Variants in NRXN1 observed in about 807,000 individuals in gnomAD.
NRXN1 encodes neurexin-1.
In NRXN1, 39 loss-of-function variants were observed where a neutral mutation model predicts 150.9. The ratio of observed to expected loss-of-function variants is 0.26; its 90% CI spans 0.20 to 0.34. The LOEUF is 0.34. Among genes scored for constraint, NRXN1 ranks in the 10% least tolerant of loss-of-function variants. The pLI is 1.00. For missense variants in NRXN1, 1,815 were observed against 1,949.9 expected (o/e 0.93, Z 1.30); for synonymous variants, 924 against 757.0 (o/e 1.22, Z -3.62).
At chr2:50,114,239 C>A (rs754545659) in intron 18 of NRXN1, among the ~76,000 whole-genome samples, 1 of 151,976 alleles carries the variant, frequency 6.6e-6, no homozygotes, top group Non-Finnish European at 1.5e-5. Context: ...ATACAAATGG[C>A]AAATACATAC....
intron 5 of NRXN1, among the ~76,000 whole-genome samples, chr2:50,729,726 C>T (rs1697850525): frequency 6.6e-6 from 1 of 152,162 alleles, no homozygotes; most frequent in African/African-American, 2.4e-5. Context: ...GGTAGAGTTG[C>T]TATCTGACAC....
chr2:49,974,854 C>A (rs553917778), intron 21 of NRXN1, among the ~76,000 whole-genome samples: 3 of 150,420 alleles, frequency 2.0e-5, no homozygotes, highest in Non-Finnish European at 4.4e-5. Flanking sequence ...AAAACAAGCA[C>A]CAAAAGATGC....
rs142418956 is a variant in NRXN1 at position 51,003,752 on chromosome 2, G to C, written c.772+23750C>G. On this transcript the variant is annotated intron_variant, in intron 2 of 22. Coordinates refer to ENST00000401669, the MANE Select transcript of NRXN1 (RefSeq NM_001330078.2). ...AGGAAGGACAAAGAAGGAAGCAAAG[G>C]AGAGGGGGAGGAAGGAAAAGTTGAC... Among the ~76,000 whole-genome samples, 767 of 152,038 alleles carry C rather than the reference G, an allele frequency of 5.0e-3. 5 individuals carry two copies. Among genetic ancestry groups the C allele is most frequent in the African/African-American group, 0.018 (751 of 41,524 alleles).
At chr2:50,220,553 G>C (rs915713263) in intron 18 of NRXN1, among the ~76,000 whole-genome samples, 2 of 151,848 alleles carry the variant, frequency 1.3e-5, no homozygotes, top group African/African-American at 4.8e-5. Flanking sequence ...CACCACACAA[G>C]GCAGAACCGA....
chr2:50,833,642 G>T (rs973460056), intron 5 of NRXN1, among the ~76,000 whole-genome samples: 1 of 152,140 alleles, frequency 6.6e-6, no homozygotes. Flanking sequence ...ATGGGTAAAG[G>T]TGGGAGAAGA....
chr2:50,515,613 GT>G (rs1172564248), intron 12 of NRXN1, among the ~76,000 whole-genome samples: 1 of 151,298 alleles, frequency 6.6e-6, no homozygotes, highest in African/African-American at 2.4e-5. Flanking sequence ...GTGTGTGTGT[GT>G]GTGTGTGTGT....
intron 17 of NRXN1, among the ~76,000 whole-genome samples, chr2:50,446,550 CCCT>C (rs2086426402): frequency 7.7e-6 from 1 of 129,802 alleles, no homozygotes; most frequent in Admixed American, 7.8e-5. Context: ...TCCCTTCCTT[CCCT>C]CCTTCTTTCC....
chr2:50,612,275 T>C (rs1418201048), intron 8 of NRXN1, among the ~76,000 whole-genome samples: 2 of 152,168 alleles, frequency 1.3e-5, no homozygotes, highest in Non-Finnish European at 2.9e-5. Context: ...ATTATGAAGC[T>C]CTGAGAAACT....
At chr2:50,010,014 A>G (rs1005120082) in intron 21 of NRXN1, among the ~76,000 whole-genome samples, 2 of 152,116 alleles carry the variant, frequency 1.3e-5, no homozygotes, top group African/African-American at 2.4e-5. Flanking sequence ...CTTTACAACA[A>G]TCAATCACTC....
At chr2:50,332,599 T>C (rs1303188145) in intron 17 of NRXN1, among the ~76,000 whole-genome samples, 1 of 152,222 alleles carries the variant, frequency 6.6e-6, no homozygotes, top group Non-Finnish European at 1.5e-5. Flanking sequence ...ATTTCCAAAG[T>C]GAGACTCTCT....
Position 50,964,217 on chromosome 2 carries a change from T to C in NRXN1, c.773-38262A>G, listed in dbSNP as rs184225358. Among the ~76,000 whole-genome samples, 45 of 151,678 alleles carry C rather than the reference T, an allele frequency of 3.0e-4. 1 individual carries two copies. The highest frequency in any genetic ancestry group is 1.1e-3 in the African/African-American group (44 of 41,514). On this transcript the variant is annotated intron_variant, in intron 2 of 22. Coordinates refer to ENST00000401669, the MANE Select transcript of NRXN1 (RefSeq NM_001330078.2). ...CTTTATGCTGTTAATCATCTCAAAC[T>C]TTCTGCCATTCTAAGTCGCATGTTT...
chr2:50,617,764 G>A (rs1679289408), intron 8 of NRXN1, among the ~76,000 whole-genome samples: 2 of 151,956 alleles, frequency 1.3e-5, no homozygotes, highest in Non-Finnish European at 2.9e-5. Context: ...GGTTTTTCTG[G>A]TTAAAAGGCC....
At chr2:50,407,569 G>A (rs78954958) in intron 17 of NRXN1, among the ~76,000 whole-genome samples, 1 of 151,994 alleles carries the variant, frequency 6.6e-6, no homozygotes, top group African/African-American at 2.4e-5. Flanking sequence ...GAGGTGATTG[G>A]GTCATGAGGG....
intron 22 of NRXN1, among the ~76,000 whole-genome samples, chr2:49,933,801 T>C (rs1040318989): frequency 6.6e-6 from 1 of 152,184 alleles, no homozygotes; most frequent in Admixed American, 6.5e-5. Context: ...TCAGCAGCTG[T>C]CCCAACAATT....
At chr2:50,337,083 CTTTTTT>C (rs768582035) in intron 17 of NRXN1, among the ~76,000 whole-genome samples, 2 of 133,084 alleles carry the variant, frequency 1.5e-5, no homozygotes, top group African/African-American at 5.5e-5. Flanking sequence ...TTTTCTTTTT[CTTTTTT>C]TTTTTTTTTT....
At chr2:50,787,158 G>A (rs1306190860) in intron 5 of NRXN1, among the ~76,000 whole-genome samples, 1 of 152,104 alleles carries the variant, frequency 6.6e-6, no homozygotes, top group Non-Finnish European at 1.5e-5. Context: ...TCGTGAAGAG[G>A]ATCATTGTGT....
intron 9 of NRXN1, among the ~76,000 whole-genome samples, chr2:50,545,346 G>T (rs924042110): frequency 7.9e-5 from 12 of 152,052 alleles, no homozygotes; most frequent in African/African-American, 2.9e-4. Context: ...ATAACATTCT[G>T]CAGCAATTGA....
intron 15 of NRXN1, among the ~76,000 whole-genome samples, chr2:50,485,973 T>G (rs1287683658): frequency 6.6e-6 from 1 of 152,236 alleles, no homozygotes; most frequent in African/African-American, 2.4e-5. Flanking sequence ...GAGCTTTGAT[T>G]AGTAACTCAG....
intron 5 of NRXN1, among the ~76,000 whole-genome samples, chr2:50,874,733 T>A (rs1426291617): frequency 6.6e-6 from 1 of 151,852 alleles, no homozygotes; most frequent in Non-Finnish European, 1.5e-5. Flanking sequence ...AAAAGTTGAA[T>A]CTCATTTCAT....
Sources: allele counts gnomAD v4.1 joint callset (sites outside exome capture counted in the v4.1 genomes callset), GRCh38; gene constraint gnomAD v4.1.1; transcripts MANE v1.5; gene names NCBI Gene and HGNC (gene_info 2026-07-23, HGNC 2026-07-21).